The following PKIA variants were observed in gnomAD, a reference collection of about 807,000 sequenced individuals.
PKIA encodes the protein PKI-alpha.
PKIA carries 4 observed loss-of-function variants against 7.6 expected under a neutral mutation model. The ratio of observed to expected loss-of-function variants is 0.52; its 90% CI spans 0.26 to 1.20. PKIA has a LOEUF of 1.20. Ranked by LOEUF, PKIA falls within the 50% of genes most tolerant of loss-of-function variation. The pLI is 0.13. For synonymous variants in PKIA, 21 were observed against 30.7 expected, an observed-to-expected ratio of 0.68 and a Z score of 1.04; for missense variants, 73 against 86.2, an observed-to-expected ratio of 0.85 and a Z score of 0.61.
At chr8:78,551,512 G>T (rs1054648518) in intron 1 of PKIA, among the ~76,000 whole-genome samples, 1 of 151,902 alleles carries the variant, frequency 6.6e-6, no homozygotes, top group Admixed American at 6.6e-5. Context: ...AACTGTAATC[G>T]TTTAATTTTT....
chr8:78,600,396 A>T (rs929126744), intron 3 of PKIA, among the ~76,000 whole-genome samples: 3 of 152,070 alleles, frequency 2.0e-5, no homozygotes, highest in African/African-American at 7.2e-5. Context: ...ATTTAGCAAC[A>T]GTCTCTATGT....
In PKIA at chr8:78,581,729, C is replaced by T. The variant is rs115347949; in HGVS notation, c.-28+8790C>T. Among the ~76,000 whole-genome samples the T allele has an allele frequency of 3.7e-3, 563 of 152,134 alleles. 5 individuals carry two copies. The highest frequency in any genetic ancestry group is 0.012 in the African/African-American group (517 of 41,524). ...ATGTACCAGATAAAAGAAACTAAGA[C>T]AGGACAACTCAATGAAATGTGATTT... is the stretch of plus-strand genomic sequence containing the variant. On this transcript the variant is annotated intron_variant, in intron 2 of 3. Transcript: ENST00000396418.
chr8:78,524,219 T>C (rs1809497889), intron 1 of PKIA, among the ~76,000 whole-genome samples: 2 of 137,276 alleles, frequency 1.5e-5, no homozygotes, highest in South Asian at 2.1e-4. Flanking sequence ...TATATAAACA[T>C]TTATATTTAT....
At chr8:78,541,835 C>G in intron 1 of PKIA, among the ~76,000 whole-genome samples, 1 of 144,250 alleles carries the variant, frequency 6.9e-6, no homozygotes, top group East Asian at 2.0e-4. Context: ...TAGATTCCCT[C>G]TACCATCTCC....
rs1339695143 is a variant in PKIA at position 78,582,461 on chromosome 8, G to T, written c.-28+9522G>T. 2.6e-5 allele frequency among the ~76,000 whole-genome samples: 4 copies of T among 151,912 alleles called. No homozygotes were observed. In the East Asian group the frequency reaches 7.8e-4, roughly 29 times the overall value. On this transcript the variant is annotated intron_variant, in intron 2 of 3. Transcript: ENST00000396418. ...GCACTCACTATCACGAGAACAGCAT[G>T]GGGGGAACCAACACCACGATTCAGT...
At chr8:78,598,669 G>T (rs998439377) in intron 3 of PKIA, 134 bp downstream of exon 3, 3 of 662,566 alleles carry the variant, frequency 4.5e-6, no homozygotes, top group Non-Finnish European at 5.2e-6. Context: ...AAGGCAAGAT[G>T]AAAGTCTGAG....
intron 3 of PKIA, among the ~76,000 whole-genome samples, chr8:78,598,896 CA>C (rs1200757473): frequency 6.6e-6 from 1 of 152,032 alleles, no homozygotes; most frequent in East Asian, 1.9e-4. Flanking sequence ...CCACCTCTAA[CA>C]TTTACTAGGT....
At chr8:78,591,425 CA>C (rs1482074969) in intron 2 of PKIA, 1 of 152,506 alleles carries the variant, frequency 6.6e-6, no homozygotes, top group Admixed American at 6.6e-5. Context: ...AAGATCAGCA[CA>C]GATCATGAGT....
chr8:78,594,020 G>A (rs1365325920), intron 2 of PKIA, among the ~76,000 whole-genome samples: 5 of 152,160 alleles, frequency 3.3e-5, no homozygotes, highest in African/African-American at 9.7e-5. Flanking sequence ...ATGGCTATGT[G>A]CAAACAACTC....
rs1284571733 is a variant in PKIA, at chr8:78,603,201, T to A, written c.*1380T>A. The A allele has an allele frequency of 6.6e-6, 1 of 152,304 alleles. No individual in the cohort carries two copies. The highest frequency in any genetic ancestry group is 2.4e-5 in the African/African-American group (1 of 41,376). The allele number at this position is 152,304 out of a possible 1,614,324, so 9.4% of individuals were successfully genotyped here. A position where few individuals can be genotyped will look rare whatever the true frequency, so the allele number is the denominator to read the frequency against. ...GAAATCATTTGTCAGTGGTAATAAATAAGGAACCAGTAATATGCCAATGGT... is the reference window on the plus strand; with the variant it reads ...GAAATCATTTGTCAGTGGTAATAAAAAAGGAACCAGTAATATGCCAATGGT... On this transcript the variant is annotated 3_prime_UTR_variant, in exon 4 of 4. Coordinates refer to ENST00000396418, the MANE Select transcript of PKIA (RefSeq NM_006823.4).
chr8:78,519,042 G>A (rs1809367055), intron 1 of PKIA, among the ~76,000 whole-genome samples: 1 of 152,090 alleles, frequency 6.6e-6, no homozygotes, highest in Non-Finnish European at 1.5e-5. Context: ...ATTGGCTGGT[G>A]TTCAGAATTG....
intron 2 of PKIA, among the ~76,000 whole-genome samples, chr8:78,577,569 T>C (rs2118578914): frequency 6.6e-6 from 1 of 152,096 alleles, no homozygotes; most frequent in East Asian, 1.9e-4. Context: ...TAACATAACT[T>C]TCATGACATA....
At chr8:78,544,860 T>C (rs977759793) in intron 1 of PKIA, among the ~76,000 whole-genome samples, 1 of 152,158 alleles carries the variant, frequency 6.6e-6, no homozygotes, top group Non-Finnish European at 1.5e-5. Flanking sequence ...AAAAAAGATA[T>C]ATTTATTAAA....
rs1554584765 is a variant in PKIA at position 78,602,713 on chromosome 8, A to ATT, written c.*895_*896dup. 11 of 147,938 alleles carry ATT rather than the reference A, an allele frequency of 7.4e-5. No homozygotes were observed. The highest frequency in any genetic ancestry group is 3.6e-3 in the Middle Eastern group (1 of 280). 9.2% of individuals were successfully genotyped at this position (147,938 alleles called of 1,614,324 possible). ...CCACATAATATATATATATATATAT[A>ATT]TTTTAATTTATGAGAATTTTGGACA... is the stretch of plus-strand genomic sequence containing the variant. On this transcript the variant is annotated 3_prime_UTR_variant, in exon 4 of 4. Coordinates refer to ENST00000396418, the MANE Select transcript of PKIA (RefSeq NM_006823.4).
chr8:78,581,507 G>T (rs1407357855), intron 2 of PKIA, among the ~76,000 whole-genome samples: 2 of 151,980 alleles, frequency 1.3e-5, no homozygotes, highest in African/African-American at 4.8e-5. Context: ...TCCCAATAAG[G>T]GTACAAATTA....
chr8:78,527,384 G>T (rs1176419751), intron 1 of PKIA, among the ~76,000 whole-genome samples: 1 of 151,892 alleles, frequency 6.6e-6, no homozygotes, highest in Admixed American at 6.6e-5. Context: ...TTATGTATAT[G>T]TGTATCTATG....
intron 1 of PKIA, among the ~76,000 whole-genome samples, chr8:78,560,823 A>G (rs904095691): frequency 3.3e-5 from 5 of 152,196 alleles, no homozygotes; most frequent in African/African-American, 1.2e-4. Context: ...GAGTCATTTA[A>G]TTTAACCACA....
chr8:78,541,805 C>A (rs997750719), intron 1 of PKIA, among the ~76,000 whole-genome samples: 1 of 144,798 alleles, frequency 6.9e-6, no homozygotes. Context: ...ATTTGGATTT[C>A]TCTTTTTTTT....
At position 78,542,679 on chromosome 8, in the gene PKIA, ATTTTT is replaced by A. The variant is rs533743029; in HGVS notation, c.-157+26215_-157+26219del. Among the ~76,000 whole-genome samples, 1,509 of 152,018 alleles carry A rather than the reference ATTTTT, an allele frequency of 9.9e-3. 32 individuals carry two copies. The highest frequency in any genetic ancestry group is 0.035 in the African/African-American group (1,451 of 41,476). ...TTTTTCTTCCTATTAAATAGTGACA[ATTTTT>A]TTTAATTTGTTTTCCAGACAGAATG... On this transcript the variant is annotated intron_variant, in intron 1 of 3. Transcript: ENST00000396418.
Sources: gnomAD v4.1 joint callset for allele counts (sites outside exome capture counted in the v4.1 genomes callset) on GRCh38, gnomAD v4.1.1 for gene constraint, MANE v1.5 for transcripts, NCBI Gene and HGNC (gene_info 2026-07-23, HGNC 2026-07-21) for gene names.